Variants in SUGP1 observed in about 807,000 individuals in gnomAD.
The protein encoded by SUGP1 is SURP and G-patch domain containing 1.
SUGP1 carries 34 observed loss-of-function variants against 76.5 expected under a neutral mutation model. The ratio of observed to expected loss-of-function variants is 0.44; its 90% CI spans 0.34 to 0.59. The LOEUF is 0.59. SUGP1 is among the 20% of genes least tolerant of loss of function. The pLI, the probability that SUGP1 is intolerant of heterozygous loss-of-function variation, is 0.01. For missense variants in SUGP1, 752 were observed against 851.7 expected, an observed-to-expected ratio of 0.88 and a Z score of 1.46; for synonymous variants, 326 against 326.2, an observed-to-expected ratio of 1.00 and a Z score of 0.01.
Position 19,316,510 on chromosome 19 carries a change from C to A in SUGP1, c.118G>T (p.Ala40Ser), listed in dbSNP as rs199730578. The change falls in exon 2 of 14, where the codon GCT (alanine) becomes TCT (serine). Residue 40 changes from alanine to serine, a missense_variant. Around this residue, in one of 2 missense-constraint regions of SUGP1, gnomAD observed 620 missense variants for 617.3 expected, o/e 1.00. Transcript: ENST00000247001. ...GCTTCAATTTCCCGTTTCTTCTGAG[C>A]GATGAGCTCTTCCTGGTGAAGGATG... The part of the protein sequence containing the change: ...MNILHQEELI[A>S]QKKREIEAKM... 3.1e-6 allele frequency: 5 copies of A among 1,613,876 alleles called. No homozygotes were observed. Among genetic ancestry groups the A allele is most frequent in the Non-Finnish European group, 4.2e-6 (5 of 1,180,018 alleles).
At chr19:19,309,975 G>A in intron 3 of SUGP1, 122 bp downstream of exon 3, 1 of 666,940 alleles carries the variant, frequency 1.5e-6, no homozygotes, top group African/African-American at 1.8e-5. Flanking sequence ...TGGGTGGAAT[G>A]AGGGCGATCT....
chr19:19,283,924 C>T (rs370181233), intron 8 of SUGP1, among the ~76,000 whole-genome samples: 5 of 152,208 alleles, frequency 3.3e-5, no homozygotes, highest in South Asian at 2.1e-4. Context: ...GTAGTGCACA[C>T]GGTACTACTG....
intron 1 of SUGP1, among the ~76,000 whole-genome samples, chr19:19,318,326 G>C (rs1413859566): frequency 6.8e-6 from 1 of 146,302 alleles, no homozygotes; most frequent in Non-Finnish European, 1.5e-5. Flanking sequence ...CACCATGTTG[G>C]CCAGGCTGGT....
chr19:19,283,644 C>G (rs1052994873), intron 8 of SUGP1, among the ~76,000 whole-genome samples: 3 of 152,186 alleles, frequency 2.0e-5, no homozygotes, highest in Non-Finnish European at 4.4e-5. Flanking sequence ...TTAGTAGAGA[C>G]AGGTTTCAGC....
intron 11 of SUGP1, among the ~76,000 whole-genome samples, 197 bp from the exon 12 acceptor site, chr19:19,278,076 CTG>C (rs1171364283): frequency 1.3e-5 from 2 of 152,192 alleles, no homozygotes; most frequent in Non-Finnish European, 2.9e-5. Flanking sequence ...TAGTGCCAAA[CTG>C]TGCACCCCTG....
At chr19:19,293,977 C>G (rs7254927) in intron 8 of SUGP1, among the ~76,000 whole-genome samples, 63,728 of 151,586 alleles carry the variant, frequency 0.42, 14,814 homozygotes, top group African/African-American at 0.62. Context: ...TTGAGGCCAG[C>G]AGTTTGAGAC....
At chr19:19,290,623 A>G (rs1422531603) in intron 8 of SUGP1, among the ~76,000 whole-genome samples, 6 of 151,612 alleles carry the variant, frequency 4.0e-5, no homozygotes, top group Non-Finnish European at 8.8e-5. Flanking sequence ...CAGCCCGGAT[A>G]AAAGAGCAAG....
At chr19:19,300,178 T>G (rs747187817) in intron 7 of SUGP1, among the ~76,000 whole-genome samples, 2 of 152,068 alleles carry the variant, frequency 1.3e-5, no homozygotes, top group African/African-American at 2.4e-5. Context: ...TGGGTTCAAG[T>G]GATTTTCCTG....
intron 4 of SUGP1, among the ~76,000 whole-genome samples, chr19:19,305,459 G>A (rs2061308868): frequency 6.6e-6 from 1 of 152,242 alleles, no homozygotes; most frequent in Admixed American, 6.5e-5. Context: ...AACCCATGGT[G>A]AGGGGCAGTG....
intron 3 of SUGP1, 85 bp from the exon 4 acceptor site, chr19:19,306,161 C>T (rs924390987): frequency 1.7e-5 from 22 of 1,326,048 alleles, no homozygotes; most frequent in African/African-American, 3.0e-5. Flanking sequence ...CTGTGGGCCC[C>T]GGGGGAGCTG....
At chr19:19,312,670 G>C (rs1256485844) in intron 2 of SUGP1, among the ~76,000 whole-genome samples, 1 of 152,168 alleles carries the variant, frequency 6.6e-6, no homozygotes, top group African/African-American at 2.4e-5. Flanking sequence ...TGAAATTTTA[G>C]ACAAGCAATC....
chr19:19,309,206 T>C (rs1332378426), intron 3 of SUGP1, among the ~76,000 whole-genome samples: 3 of 152,126 alleles, frequency 2.0e-5, no homozygotes, highest in Non-Finnish European at 4.4e-5. Flanking sequence ...TTACTTGGGC[T>C]GGGTACAGTG....
chr19:19,316,208 T>C (rs754849227), intron 2 of SUGP1: 2 of 594,022 alleles, frequency 3.4e-6, no homozygotes, highest in Non-Finnish European at 5.8e-6. Context: ...AACTGCTGAG[T>C]GGATGAGTTG....
chr19:19,292,902 GTATT>G (rs2061196969), intron 8 of SUGP1, among the ~76,000 whole-genome samples: 2 of 151,828 alleles, frequency 1.3e-5, no homozygotes, highest in African/African-American at 4.8e-5. Flanking sequence ...ATGATTTTAT[GTATT>G]TATTTACTTT....
At chr19:19,278,877 A>G (rs2061074726) in intron 10 of SUGP1, 81 bp from the exon 11 acceptor site, 2 of 1,450,944 alleles carry the variant, frequency 1.4e-6, no homozygotes, top group Non-Finnish European at 9.5e-7. Context: ...GGGCACAGGT[A>G]TGAGGCTCAG....
chr19:19,309,528 C>T (rs773821024), intron 3 of SUGP1, among the ~76,000 whole-genome samples: 1 of 152,196 alleles, frequency 6.6e-6, no homozygotes, highest in South Asian at 2.1e-4. Flanking sequence ...GCCTATTACC[C>T]CAGCACTTTG....
Position 19,299,630 on chromosome 19 carries a change from G to A in SUGP1, c.888-2286C>T, listed in dbSNP as rs140534957. 2.5e-4 allele frequency among the ~76,000 whole-genome samples: 37 copies of A among 149,892 alleles called. No homozygotes were observed. The East Asian group carries it at 6.3e-3, about 25-fold the overall frequency. On this transcript the variant is annotated intron_variant, in intron 7 of 13. Transcript: ENST00000247001. ...ATCTCCTGACCTCGTGATCCACCCC[G>A]CTCAGCCTCCCAAAGTGCTGGGATT...
At chr19:19,287,947 C>G (rs979085413) in intron 8 of SUGP1, among the ~76,000 whole-genome samples, 68 of 152,190 alleles carry the variant, frequency 4.5e-4, no homozygotes, top group Non-Finnish European at 1.3e-4. Context: ...AAGACCAACC[C>G]CTACTCTTCT....
chr19:19,290,985 C>T (rs767439671), intron 8 of SUGP1, among the ~76,000 whole-genome samples: 1 of 150,376 alleles, frequency 6.6e-6, no homozygotes, highest in Non-Finnish European at 1.5e-5. Flanking sequence ...GGCGTGGGGG[C>T]GCCCACCTGT....
Sources: gnomAD v4.1 joint callset for allele counts (sites outside exome capture counted in the v4.1 genomes callset) on GRCh38, gnomAD v4.1.1 for gene constraint, gnomAD v4.1.1 regional missense constraint, MANE v1.5 for transcripts, NCBI Gene and HGNC (gene_info 2026-07-23, HGNC 2026-07-21) for gene names.